Variants in SHBG observed in about 807,000 individuals in gnomAD.
SHBG encodes sex hormone binding globulin, also known as sex hormone-binding globulin.
In SHBG, 37 loss-of-function variants were observed where a neutral mutation model predicts 41.9. The ratio of observed to expected loss-of-function variants is 0.88; its 90% CI spans 0.68 to 1.16. SHBG has a LOEUF of 1.16. Ranked by LOEUF, SHBG falls within the 50% of genes most tolerant of loss-of-function variation. The pLI is 0.00. For synonymous variants in SHBG, 217 were observed against 205.8 expected (o/e 1.05, Z -0.47); for missense variants, 466 against 499.9 (o/e 0.93, Z 0.65).
chr17:7,623,092 G>C (rs2072128979), upstream of SHBG, among the ~76,000 whole-genome samples: 1 of 148,874 alleles, frequency 6.7e-6, no homozygotes, highest in Non-Finnish European at 1.5e-5. Flanking sequence ...ATGGGGGCAA[G>C]ATAAATTTTG....
rs2150968222 is a variant in SHBG at position 7,630,922 on chromosome 17, A to G, written c.393+53A>G. 2.6e-6 allele frequency: 4 copies of G among 1,555,890 alleles called. No individual in the cohort carries two copies. Among genetic ancestry groups the G allele is most frequent in the Non-Finnish European group, 2.6e-6 (3 of 1,133,410 alleles). The stretch of plus-strand genomic sequence containing the variant: ...GGATGTCTGGAGCTGGTCTGAGGAA[A>G]GGGAACAAAACCAAGTTATTGGGCA... On this transcript the variant is annotated intron_variant, in intron 3 of 7. Transcript: ENST00000380450. The surrounding 1 kb of genome is among the most constrained non-coding windows in gnomAD (Gnocchi z 4.6).
At chr17:7,615,709 C>T (rs2071970805) in intron 1 of SHBG, among the ~76,000 whole-genome samples, 1 of 144,664 alleles carries the variant, frequency 6.9e-6, no homozygotes, top group Non-Finnish European at 1.5e-5. Flanking sequence ...TGACACGCGC[C>T]TGTAATCCCA....
chr17:7,619,378 G>A (rs1487796806), intron 1 of SHBG, among the ~76,000 whole-genome samples: 1 of 139,822 alleles, frequency 7.2e-6, no homozygotes, highest in Non-Finnish European at 1.5e-5. Flanking sequence ...CATTAAGGGT[G>A]AAACTCCATC....
chr17:7,626,549 C>T (rs948732635), upstream of SHBG: 1 of 1,614,214 alleles, frequency 6.2e-7, no homozygotes. Context: ...TGTACAAGTC[C>T]ATGGCCCTCT....
At chr17:7,614,465 C>T (rs867065252) in intron 1 of SHBG, 1 of 1,540,524 alleles carries the variant, frequency 6.5e-7, no homozygotes, top group Non-Finnish European at 8.7e-7. Context: ...GTAGAAGGCC[C>T]CGTTGGAGCC....
chr17:7,617,950 G>A (rs1325081079), intron 1 of SHBG, among the ~76,000 whole-genome samples: 2 of 143,290 alleles, frequency 1.4e-5, no homozygotes, highest in Non-Finnish European at 3.2e-5. Context: ...TGGGTGCGGC[G>A]GCTCACGCCT....
chr17:7,615,252 G>A (rs1304733107), intron 1 of SHBG, among the ~76,000 whole-genome samples: 1 of 152,100 alleles, frequency 6.6e-6, no homozygotes, highest in Non-Finnish European at 1.5e-5. Flanking sequence ...GGCCCCACCG[G>A]GCTTGGACAA....
intron 3 of SHBG, 34 bp from the exon 4 acceptor site, chr17:7,631,166 G>A: frequency 6.6e-7 from 1 of 1,515,668 alleles, no homozygotes; most frequent in Non-Finnish European, 8.9e-7. Flanking sequence ...ACAGATCCCA[G>A]GGGCCTCTGA....
chr17:7,626,387 A>AGAGT (rs2072206043), upstream of SHBG: 2 of 1,586,042 alleles, frequency 1.3e-6, no homozygotes, highest in Non-Finnish European at 1.7e-6. Flanking sequence ...TAGTCTCTGA[A>AGAGT]GAGTGCTTCA....
At chr17:7,619,418 A>C (rs530729936) in intron 1 of SHBG, among the ~76,000 whole-genome samples, 1 of 150,990 alleles carries the variant, frequency 6.6e-6, no homozygotes, top group South Asian at 2.1e-4. Context: ...ATAATAATGT[A>C]AATGCTAAGG....
At position 7,631,695 on chromosome 17, in the gene SHBG, C is replaced by T. The variant is rs189578288; in HGVS notation, c.662C>T (p.Ser221Leu). The change falls in exon 5 of 8, where the codon TCA becomes TTA. Residue 221 changes from serine to leucine, a missense_variant. Ser to Leu is a moderately radical substitution (Grantham distance 145). Transcript: ENST00000380450. Reference protein sequence around the residue: ...PTSLRSCDVESNPGIFLPPGT... With the variant: ...PTSLRSCDVELNPGIFLPPGT... The stretch of plus-strand genomic sequence containing the variant: ...AGCCTCAGAAGCTGTGATGTAGAAT[C>T]AAATCCCGGGATATTTCTCCCTCCA... 66 of 1,614,088 alleles carry T rather than the reference C, an allele frequency of 4.1e-5. No individual in the cohort carries two copies. The highest frequency in any genetic ancestry group is 3.3e-4 in the Admixed American group (20 of 60,026).
upstream of SHBG, chr17:7,627,148 AGCTT>A: frequency 1.2e-6 from 2 of 1,614,130 alleles, no homozygotes; most frequent in Non-Finnish European, 1.7e-6. This position sits in a 1 kb window ranked among gnomAD's most constrained non-coding sequence, Gnocchi z 4.8. Flanking sequence ...CTTACCCAGT[AGCTT>A]CCCGGGCGCT....
chr17:7,624,321 C>T (rs2072153185), upstream of SHBG, among the ~76,000 whole-genome samples: 1 of 152,126 alleles, frequency 6.6e-6, no homozygotes, highest in South Asian at 2.1e-4. Flanking sequence ...AATCTCAGCT[C>T]ACTGCAACCT....
chr17:7,633,200 C>G lies in SHBG; in HGVS notation c.1061-4C>G, dbSNP rs758705398. ...AATGCCACCTTTGCACTACCTCCCT[C>G]TAGGAGAAGACTCTTCCACCTCTTT... On this transcript the variant is annotated splice_polypyrimidine_tract_variant and splice_region_variant and intron_variant, in intron 7 of 7. Coordinates refer to ENST00000380450, the MANE Select transcript of SHBG (RefSeq NM_001040.5). 1.9e-6 allele frequency: 3 copies of G among 1,614,162 alleles called. No homozygotes were observed. Among genetic ancestry groups the G allele is most frequent in the Non-Finnish European group, 1.7e-6 (2 of 1,180,004 alleles).
intron 1 of SHBG, chr17:7,614,843 T>A: frequency 6.1e-6 from 1 of 164,128 alleles, no homozygotes; most frequent in Non-Finnish European, 1.3e-5. Flanking sequence ...CGGGACCCGC[T>A]GCTGCCGCTG....
intron 1 of SHBG, among the ~76,000 whole-genome samples, chr17:7,615,833 C>CA (rs544422942): frequency 0.019 from 1,400 of 72,864 alleles, 11 homozygotes; most frequent in African/African-American, 0.035. Flanking sequence ...GACTCAGTCT[C>CA]AAAAAAAAAA....
At chr17:7,627,898 G>A, upstream of SHBG, 1 of 610,676 alleles carries the variant, frequency 1.6e-6, no homozygotes, top group Non-Finnish European at 3.1e-6. The surrounding 1 kb of genome is among the most constrained non-coding windows in gnomAD (Gnocchi z 4.8). Context: ...GGGCACAACT[G>A]TCAGCCAATC....
chr17:7,626,784 A>G, upstream of SHBG: 1 of 1,613,990 alleles, frequency 6.2e-7, no homozygotes, highest in Non-Finnish European at 8.5e-7. Context: ...TTTGGAACCA[A>G]TCCCTTGACC....
intron 3 of SHBG, 77 bp from the exon 4 acceptor site, chr17:7,631,123 A>C (rs1194904382): frequency 7.2e-7 from 1 of 1,395,696 alleles, no homozygotes; most frequent in African/African-American, 1.5e-5. Flanking sequence ...TTTCCACTAT[A>C]GTACTAGGCT....
Sources: allele counts gnomAD v4.1 joint callset (sites outside exome capture counted in the v4.1 genomes callset), GRCh38; gene constraint gnomAD v4.1.1; non-coding constraint Gnocchi (gnomAD v3.1); transcripts MANE v1.5; gene names NCBI Gene and HGNC (gene_info 2026-07-23, HGNC 2026-07-21).